Variants in NPRL3 observed in about 807,000 individuals in gnomAD.
NPRL3 encodes NPR3 like, GATOR1 complex subunit.
A neutral mutation model predicts 57.2 loss-of-function variants in NPRL3; 23 were observed. That is an observed-to-expected ratio of 0.40 (90% confidence interval 0.29 to 0.57). The LOEUF (loss-of-function observed/expected upper bound fraction) is 0.57. Ranked by LOEUF, NPRL3 falls within the 20% of genes least tolerant of loss-of-function variation. The pLI is 0.42. For synonymous variants in NPRL3, 333 were observed against 321.1 expected (o/e 1.04, Z -0.39); for missense variants, 691 against 767.1 (o/e 0.90, Z 1.17).
chr16:86,989 G>T, intron 13 of NPRL3, 119 bp from the exon 14 acceptor site: 1 of 1,056,650 alleles, frequency 9.5e-7, no homozygotes, highest in Non-Finnish European at 1.3e-6. Flanking sequence ...AGCTGGTGGT[G>T]AAGGCCAGGG....
intron 4 of NPRL3, among the ~76,000 whole-genome samples, chr16:118,013 C>T (rs758056297): frequency 6.6e-6 from 1 of 152,190 alleles, no homozygotes; most frequent in Non-Finnish European, 1.5e-5. Flanking sequence ...AGGGTGTGAC[C>T]GCGGGCAGGC....
chr16:114,900 G>T (rs1414665111), intron 5 of NPRL3, among the ~76,000 whole-genome samples: 1 of 151,848 alleles, frequency 6.6e-6, no homozygotes, highest in South Asian at 2.1e-4. Flanking sequence ...AGGCACCTGA[G>T]ACAGGCATAT....
In NPRL3 at chr16:116,755, G is replaced by A. The variant is rs181010916; in HGVS notation, c.393+546C>T. Reference sequence around the variant, plus strand: ...AGGTGGGTGGATCACCTAAGGTCACGAGTTCAAGACCAGCATGGCCAACAT... The same window carrying A: ...AGGTGGGTGGATCACCTAAGGTCACAAGTTCAAGACCAGCATGGCCAACAT... On this transcript the variant is annotated intron_variant, in intron 5 of 13. Coordinates refer to ENST00000611875, the MANE Select transcript of NPRL3 (RefSeq NM_001077350.3). 7.4e-3 allele frequency among the ~76,000 whole-genome samples: 1,105 copies of A among 148,508 alleles called. 13 individuals carry two copies. Among genetic ancestry groups the A allele is most frequent in the African/African-American group, 0.026 (1,053 of 39,852 alleles).
chr16:128,201 A>C (rs1900630264), intron 3 of NPRL3, among the ~76,000 whole-genome samples: 1 of 152,180 alleles, frequency 6.6e-6, no homozygotes, highest in Admixed American at 6.5e-5. Flanking sequence ...CATGTTGGCC[A>C]GGCTGTCTCC....
intron 2 of NPRL3, among the ~76,000 whole-genome samples, chr16:132,035 T>C (rs1471446496): frequency 2.6e-5 from 4 of 151,028 alleles, no homozygotes; most frequent in Non-Finnish European, 5.9e-5. Flanking sequence ...AGACAGGGTA[T>C]CACTCTGTCA....
intron 3 of NPRL3, among the ~76,000 whole-genome samples, chr16:121,012 CA>C (rs1206415786): frequency 6.6e-6 from 1 of 152,120 alleles, no homozygotes; most frequent in African/African-American, 2.4e-5. Flanking sequence ...ACAGAGGTAA[CA>C]GAAAAATAAC....
At chr16:88,551 C>T (rs1056041217) in intron 13 of NPRL3, 147 bp downstream of exon 13, 3 of 746,606 alleles carry the variant, frequency 4.0e-6, no homozygotes, top group African/African-American at 3.5e-5. Context: ...GGCACCTGCC[C>T]CTACACACCT....
chr16:119,264 T>A lies in NPRL3; in HGVS notation c.189-9A>T. 6.3e-7 allele frequency: 1 copy of A among 1,597,094 alleles called. No homozygotes were observed. The highest frequency in any genetic ancestry group is 1.3e-5 in the African/African-American group (1 of 74,516). Reference sequence around the variant, plus strand: ...GAATAACATCTGAAAACCTTAAAATTTAAGAGAGGTAGAATAAAAATAAGT... The same window carrying A: ...GAATAACATCTGAAAACCTTAAAATATAAGAGAGGTAGAATAAAAATAAGT... On this transcript the variant is annotated splice_polypyrimidine_tract_variant and intron_variant, in intron 3 of 13. Coordinates refer to ENST00000611875, the MANE Select transcript of NPRL3 (RefSeq NM_001077350.3).
At position 85,842 on chromosome 16, in the gene NPRL3, G is replaced by T; in HGVS notation, c.*863C>A. 5.0e-6 allele frequency: 7 copies of T among 1,406,952 alleles called. No individual in the cohort carries two copies. The highest frequency in any genetic ancestry group is 5.6e-6 in the Non-Finnish European group (6 of 1,077,748). The allele number at this position is 1,406,952 out of a possible 1,614,324, so 87.2% of individuals were successfully genotyped here. On this transcript the variant is annotated 3_prime_UTR_variant, in exon 14 of 14. Coordinates refer to ENST00000611875, the MANE Select transcript of NPRL3 (RefSeq NM_001077350.3). Reference sequence around the variant, plus strand: ...AAACCGAATAAATGTTTTATTTCTAGAAAACTGTGCCTTAGCCAGAGCTCC... The same window carrying T: ...AAACCGAATAAATGTTTTATTTCTATAAAACTGTGCCTTAGCCAGAGCTCC...
intron 2 of NPRL3, among the ~76,000 whole-genome samples, chr16:136,615 G>C (rs1901094271): frequency 6.6e-6 from 1 of 151,618 alleles, no homozygotes; most frequent in African/African-American, 2.4e-5. Flanking sequence ...TTGCTTGACA[G>C]GGGGTCGGAG....
intron 3 of NPRL3, among the ~76,000 whole-genome samples, chr16:130,184 A>C (rs1466222321): frequency 1.3e-5 from 2 of 152,190 alleles, no homozygotes; most frequent in Admixed American, 6.5e-5. Flanking sequence ...TACATGCTCA[A>C]GGAATTAGAT....
At position 85,501 on chromosome 16, in the gene NPRL3, T is replaced by C. The variant is rs765075901; in HGVS notation, c.*1204A>G. On this transcript the variant is annotated 3_prime_UTR_variant, in exon 14 of 14. Transcript: ENST00000611875. ...CCCTCCGGAAAGGCACCGCCAGCCG[T>C]GTCCTCAAGGACCGCGAGCTCTGCA... 4 of 1,613,246 alleles carry C rather than the reference T, an allele frequency of 2.5e-6. No individual in the cohort carries two copies. Among genetic ancestry groups the C allele is most frequent in the Non-Finnish European group, 3.4e-6 (4 of 1,180,046 alleles).
intron 9 of NPRL3, among the ~76,000 whole-genome samples, chr16:95,281 G>A (rs1898938411): frequency 6.7e-6 from 1 of 148,210 alleles, no homozygotes; most frequent in Admixed American, 6.8e-5. Flanking sequence ...CGAATATACA[G>A]CACGATCCTA....
intron 3 of NPRL3, among the ~76,000 whole-genome samples, chr16:127,525 G>A (rs967986582): frequency 2.0e-5 from 3 of 152,076 alleles, no homozygotes; most frequent in South Asian, 2.1e-4. Context: ...ATGAGCTACC[G>A]CTCCCGGCCC....
At chr16:134,694 A>ATTATTATTATTATTAT (rs1346965930) in intron 2 of NPRL3, among the ~76,000 whole-genome samples, 4 of 103,414 alleles carry the variant, frequency 3.9e-5, no homozygotes, top group African/African-American at 1.4e-4. Context: ...AATTATTATT[A>ATTATTATTATTATTAT]TTTTTTTTTT....
intron 7 of NPRL3, among the ~76,000 whole-genome samples, chr16:104,762 G>T (rs1214222561): frequency 1.3e-5 from 2 of 152,138 alleles, no homozygotes; most frequent in African/African-American, 4.8e-5. Flanking sequence ...CTGCCACCAG[G>T]AGTGCCCCAA....
chr16:132,562 G>A (rs1900857637), intron 2 of NPRL3, among the ~76,000 whole-genome samples: 1 of 152,142 alleles, frequency 6.6e-6, no homozygotes, highest in Admixed American at 6.6e-5. Context: ...TGTTCTTAAT[G>A]GCATCTATAA....
At chr16:115,929 A>G (rs1413477946) in intron 5 of NPRL3, among the ~76,000 whole-genome samples, 2 of 152,232 alleles carry the variant, frequency 1.3e-5, no homozygotes, top group African/African-American at 4.8e-5. Context: ...ACTACACACT[A>G]TGATTATCTC....
chr16:102,433 G>A lies in NPRL3; in HGVS notation c.630-1924C>T, dbSNP rs540396772. ...TCAAAGTGGCCGGCACCTTCCTTGT[G>A]TCCTGCACAGGGAACGCAGCCTGTG... On this transcript the variant is annotated intron_variant, in intron 7 of 13. Transcript: ENST00000611875. Among the ~76,000 whole-genome samples, 5 of 152,292 alleles carry A rather than the reference G, an allele frequency of 3.3e-5. No individual in the cohort carries two copies. In the South Asian group the frequency reaches 1.0e-3, roughly 32 times the overall value.
Sources: gnomAD v4.1 joint callset for allele counts (sites outside exome capture counted in the v4.1 genomes callset) on GRCh38, gnomAD v4.1.1 for gene constraint, MANE v1.5 for transcripts, NCBI Gene and HGNC (gene_info 2026-07-23, HGNC 2026-07-21) for gene names.